Variants in LRRFIP1 observed in about 807,000 individuals in gnomAD.
LRRFIP1 encodes the protein LRR binding FLII interacting protein 1.
A neutral mutation model predicts 104.4 loss-of-function variants in LRRFIP1; 62 were observed. That is an observed-to-expected ratio of 0.59 (90% CI 0.48 to 0.73). The LOEUF (loss-of-function observed/expected upper bound fraction) is 0.73, where lower values mean the gene tolerates loss of function less well. Ranked by LOEUF, LRRFIP1 falls within the 30% of genes least tolerant of loss-of-function variation. The probability of loss-of-function intolerance (pLI) is 0.00; values close to 1 mark genes in which losing one functional copy is unlikely to be tolerated. For synonymous variants in LRRFIP1, 300 were observed against 299.0 expected (o/e 1.00, Z -0.03); for missense variants, 796 against 824.5 (o/e 0.97, Z 0.42).
chr2:237,643,759 A>AATGG, intron 1 of LRRFIP1, among the ~76,000 whole-genome samples: 1 of 152,242 alleles, frequency 6.6e-6, no homozygotes, highest in East Asian at 1.9e-4. Flanking sequence ...TGAATGAATG[A>AATGG]ATGAATGGAC....
intron 1 of LRRFIP1, among the ~76,000 whole-genome samples, chr2:237,664,980 A>G (rs1474627781): frequency 6.6e-6 from 1 of 152,202 alleles, no homozygotes; most frequent in Non-Finnish European, 1.5e-5. Flanking sequence ...AAGCTAACAA[A>G]TGACTTCAGG....
intron 1 of LRRFIP1, among the ~76,000 whole-genome samples, chr2:237,667,957 G>GCAGCCA (rs1559504475): frequency 6.6e-6 from 1 of 152,074 alleles, no homozygotes; most frequent in South Asian, 2.1e-4. Context: ...TTTAGCAGCT[G>GCAGCCA]CAGCCACATT....
At chr2:237,682,834 T>A (rs1322968418) in intron 1 of LRRFIP1, among the ~76,000 whole-genome samples, 5 of 152,218 alleles carry the variant, frequency 3.3e-5, no homozygotes, top group Admixed American at 3.3e-4. Flanking sequence ...CATATTCCCA[T>A]CTTGACCATT....
chr2:237,659,592 A>G (rs181318831), intron 1 of LRRFIP1, among the ~76,000 whole-genome samples: 21 of 148,174 alleles, frequency 1.4e-4, no homozygotes, highest in Middle Eastern at 7.1e-3. Context: ...TTTATATTAT[A>G]TATGTTTATA....
intron 11 of LRRFIP1, among the ~76,000 whole-genome samples, chr2:237,740,162 A>G (rs1237447530): frequency 6.6e-6 from 1 of 151,920 alleles, no homozygotes; most frequent in Non-Finnish European, 1.5e-5. Context: ...TCCCAGCGTC[A>G]TGGGAGGCTG....
chr2:237,776,033 C>T (rs1021706785), intron 23 of LRRFIP1, among the ~76,000 whole-genome samples: 29 of 152,090 alleles, frequency 1.9e-4, no homozygotes, highest in African/African-American at 6.0e-4. Context: ...GGCGCCATCT[C>T]GGCTCACTGC....
intron 16 of LRRFIP1, among the ~76,000 whole-genome samples, chr2:237,756,516 C>T (rs375587959): frequency 2.6e-5 from 4 of 152,186 alleles, no homozygotes; most frequent in Non-Finnish European, 5.9e-5. Flanking sequence ...CTCATTTAAC[C>T]TTAATTACTT....
chr2:237,655,142 G>T (rs769369869), intron 1 of LRRFIP1, among the ~76,000 whole-genome samples: 1 of 52,012 alleles, frequency 1.9e-5, no homozygotes, highest in African/African-American at 7.7e-5. Context: ...ACGGAGTCTC[G>T]CTCTGTCGCC....
chr2:237,720,820 A>C lies in LRRFIP1; in HGVS notation c.343A>C (p.Arg115=). 6.2e-7 allele frequency: 1 copy of C among 1,613,962 alleles called. No homozygotes were observed. Residue 115 remains arginine, a splice_region_variant and synonymous_variant, in exon 6 of 24, where the codon AGG becomes CGG. Transcript: ENST00000308482. ...RMSVGSRGSL[R]SQPDLEYGGP... ...GTCAGTGGGTAGTCGTGGAAGCCTG[A>C]GGGTCAGTAACCAGAATGATGGAGT...
At chr2:237,772,494 T>C (rs934917551) in intron 21 of LRRFIP1, 4 of 430,826 alleles carry the variant, frequency 9.3e-6, no homozygotes, top group African/African-American at 8.0e-5. Flanking sequence ...CTGTTGATTG[T>C]ATGAAAAAAA....
Position 237,757,501 on chromosome 2 carries a change from A to G in LRRFIP1, c.1177A>G (p.Ile393Val), listed in dbSNP as rs758476204. 1.9e-6 allele frequency: 3 copies of G among 1,596,644 alleles called. No individual in the cohort carries two copies. The highest frequency in any genetic ancestry group is 1.7e-6 in the Non-Finnish European group (2 of 1,171,496). The change falls in exon 17 of 24, where the codon ATT (isoleucine) becomes GTT (valine). Residue 393 changes from isoleucine (I) to valine (V), a missense_variant. Ile to Val is a conservative substitution (Grantham distance 29, BLOSUM62 3). Transcript: ENST00000308482. ...QQKQASSIRE[I>V]SDLQETIEWK... Reference sequence around the variant, plus strand: ...GAAACAGGCGAGTTCTATCAGGGAGATTTCTGATCTTCAGGAAACAATAGA... The same window carrying G: ...GAAACAGGCGAGTTCTATCAGGGAGGTTTCTGATCTTCAGGAAACAATAGA...
At chr2:237,775,926 C>G (rs2150940159) in intron 23 of LRRFIP1, among the ~76,000 whole-genome samples, 1 of 151,808 alleles carries the variant, frequency 6.6e-6, no homozygotes, top group South Asian at 2.1e-4. Context: ...CATTTCTCTC[C>G]TCTTTATTTT....
At chr2:237,631,784 G>C (rs2082374236) in intron 1 of LRRFIP1, among the ~76,000 whole-genome samples, 1 of 152,190 alleles carries the variant, frequency 6.6e-6, no homozygotes, top group South Asian at 2.1e-4. Context: ...TTCCCAACAG[G>C]AACAGTCATT....
intron 11 of LRRFIP1, among the ~76,000 whole-genome samples, chr2:237,745,810 G>C (rs532671324): frequency 3.3e-5 from 5 of 152,230 alleles, no homozygotes; most frequent in African/African-American, 9.6e-5. Flanking sequence ...TTACACCGTG[G>C]AGCAAACATG....
intron 8 of LRRFIP1, among the ~76,000 whole-genome samples, chr2:237,729,479 G>A (rs1436750853): frequency 6.7e-6 from 1 of 149,252 alleles, no homozygotes; most frequent in Non-Finnish European, 1.5e-5. Context: ...AACGCAGTGT[G>A]AAACTCAGTA....
intron 15 of LRRFIP1, 44 bp from the exon 16 acceptor site, chr2:237,756,051 A>T: frequency 1.4e-6 from 2 of 1,379,348 alleles, no homozygotes; most frequent in Non-Finnish European, 2.1e-6. Flanking sequence ...GCATGCCAGA[A>T]ACATGGGATT....
At chr2:237,770,241 A>G (rs186404588) in intron 20 of LRRFIP1, 168 of 442,516 alleles carry the variant, frequency 3.8e-4, no homozygotes, top group African/African-American at 2.5e-3. Context: ...CATGGAATTG[A>G]ATTTGGTACA....
At chr2:237,681,708 C>T in intron 1 of LRRFIP1, among the ~76,000 whole-genome samples, 1 of 17,046 alleles carries the variant, frequency 5.9e-5, no homozygotes, top group Admixed American at 7.8e-4. Context: ...GAGACGGAGT[C>T]TCGCTCTGTC....
At chr2:237,707,589 T>C (rs2093878091) in intron 1 of LRRFIP1, among the ~76,000 whole-genome samples, 1 of 151,796 alleles carries the variant, frequency 6.6e-6, no homozygotes, top group Non-Finnish European at 1.5e-5. Flanking sequence ...GAGGGTGGGG[T>C]TTGTTTGATA....
Sources: allele counts gnomAD v4.1 joint callset (sites outside exome capture counted in the v4.1 genomes callset), GRCh38; gene constraint gnomAD v4.1.1; transcripts MANE v1.5; gene names NCBI Gene and HGNC (gene_info 2026-07-23, HGNC 2026-07-21).